Variants in NT5DC4 observed in about 807,000 individuals in gnomAD.
The protein encoded by NT5DC4 is 5'-nucleotidase domain-containing protein 4.
Under a neutral mutation model 26.6 loss-of-function variants are expected in NT5DC4, and 44 were observed. That is an observed-to-expected ratio of 1.65 (90% confidence interval 1.30 to 2.13). The LOEUF is 2.13. Ranked by LOEUF, NT5DC4 falls within the 30% of genes most tolerant of loss-of-function variation. The probability of loss-of-function intolerance (pLI) is 0.00; values close to 1 mark genes in which losing one functional copy is unlikely to be tolerated. For missense variants in NT5DC4, 399 were observed against 228.1 expected (o/e 1.75, Z -4.83); for synonymous variants, 157 against 86.7 (o/e 1.81, Z -4.51).
chr2:112,730,422 A>C (rs1678350904), intron 16 of NT5DC4, among the ~76,000 whole-genome samples: 1 of 151,628 alleles, frequency 6.6e-6, no homozygotes, highest in African/African-American at 2.4e-5. Flanking sequence ...GCTGTTGGCC[A>C]ATCCATACAC....
chr2:112,735,038 A>ATTTTT lies in NT5DC4; in HGVS notation c.1345-3856_1345-3852dup, dbSNP rs70965024. Among the ~76,000 whole-genome samples, 265 of 94,472 alleles carry ATTTTT rather than the reference A, an allele frequency of 2.8e-3. 4 individuals are homozygous for ATTTTT. Among genetic ancestry groups the ATTTTT allele is most frequent in the Non-Finnish European group, 4.2e-3 (210 of 50,530 alleles). 62.0% of individuals were successfully genotyped at this position (94,472 alleles called of 152,430 possible). The stretch of plus-strand genomic sequence containing the variant: ...GAGTACATGCCAGGGAGGCAAGAAC[A>ATTTTT]TTTTTTTTTTTTTTTTTTTTTTTGA... On this transcript the variant is annotated intron_variant, in intron 16 of 16. Coordinates refer to ENST00000688554, the MANE Select transcript of NT5DC4 (RefSeq NM_001393655.1).
chr2:112,722,367 A>G, intron 4 of NT5DC4, 89 bp downstream of exon 4: 1 of 712,162 alleles, frequency 1.4e-6, no homozygotes, highest in Non-Finnish European at 2.6e-6. Flanking sequence ...GGGAGGAAGG[A>G]CGCAGGCCCA....
At chr2:112,741,015 T>G (rs910339737), downstream of NT5DC4, 17 of 1,574,592 alleles carry the variant, frequency 1.1e-5, no homozygotes, top group African/African-American at 1.9e-4. Flanking sequence ...TCCCTGTGTA[T>G]GTAAGATCAT....
chr2:112,737,979 C>T (rs1206851553), intron 16 of NT5DC4: 3 of 152,162 alleles, frequency 2.0e-5, no homozygotes, highest in Admixed American at 1.3e-4. Flanking sequence ...TACATAATGA[C>T]TAAGGTAAAA....
rs909825906 is a variant in NT5DC4 at position 112,722,591 on chromosome 2, T to G, written c.469+2T>G. 1.4e-6 allele frequency: 1 copy of G among 717,278 alleles called. No individual in the cohort carries two copies. Among genetic ancestry groups the G allele is most frequent in the Non-Finnish European group, 2.6e-6 (1 of 385,084 alleles). 44.4% of individuals were successfully genotyped at this position (717,278 alleles called of 1,614,324 possible). ...TCAACATGCTCTTCAACCTGCCTGG[T>G]GGGTGGAGGGTTGGGGGCACGGGAG... On this transcript the variant is annotated splice_donor_variant, in intron 5 of 16. Coordinates refer to ENST00000688554, the MANE Select transcript of NT5DC4 (RefSeq NM_001393655.1). LOFTEE classifies it high-confidence loss of function.
intron 12 of NT5DC4, 29 bp from the exon 13 acceptor site, chr2:112,725,353 G>A (rs151188369): frequency 1.9e-4 from 133 of 691,588 alleles, no homozygotes; most frequent in African/African-American, 1.9e-3. Flanking sequence ...AAGGGCAAAC[G>A]AGTGTCTGTC....
At chr2:112,733,440 GA>G (rs1449512145) in intron 16 of NT5DC4, among the ~76,000 whole-genome samples, 9 of 151,304 alleles carry the variant, frequency 5.9e-5, no homozygotes, top group Non-Finnish European at 7.4e-5. Context: ...GATGGGGTGG[GA>G]GGGGGGGACA....
chr2:112,741,988 C>T (rs1228765860), downstream of NT5DC4, among the ~76,000 whole-genome samples: 52 of 143,234 alleles, frequency 3.6e-4, no homozygotes, highest in Non-Finnish European at 6.5e-4. Context: ...CAGGGTTTCA[C>T]CACGTTGGTC....
Position 112,723,472 on chromosome 2 carries a change from A to G in NT5DC4, c.672+4A>G. On this transcript the variant is annotated splice_donor_region_variant and intron_variant, in intron 8 of 16. Transcript: ENST00000688554. The stretch of plus-strand genomic sequence containing the variant: ...GGAGAAATATGTGAAGAAGGATGTG[A>G]GTGGCCACAGACCCAGGGCCATGGC... 2.8e-6 allele frequency: 2 copies of G among 717,048 alleles called. No individual in the cohort carries two copies. Among genetic ancestry groups the G allele is most frequent in the South Asian group, 3.0e-5 (2 of 67,580 alleles). The allele number at this position is 717,048 out of a possible 1,614,324, so 44.4% of individuals were successfully genotyped here.
At chr2:112,740,803 T>G, downstream of NT5DC4, 1 of 1,592,174 alleles carries the variant, frequency 6.3e-7, no homozygotes, top group Non-Finnish European at 8.6e-7. Flanking sequence ...AAAGTCTGCT[T>G]TAGAGTTTGC....
chr2:112,742,359 G>A, downstream of NT5DC4: 1 of 716,814 alleles, frequency 1.4e-6, no homozygotes, highest in Non-Finnish European at 2.6e-6. Context: ...GTATGTTGGT[G>A]GGTTTATTAT....
chr2:112,737,047 C>T (rs549353668), intron 16 of NT5DC4: 6 of 152,308 alleles, frequency 3.9e-5, no homozygotes, highest in Non-Finnish European at 8.8e-5. Context: ...CTGCCTCAGC[C>T]TCCCAAGTAG....
chr2:112,729,569 C>T (rs1678221683), intron 15 of NT5DC4, 58 bp from the exon 16 acceptor site: 1 of 716,460 alleles, frequency 1.4e-6, no homozygotes, highest in Admixed American at 2.0e-5. Context: ...GCTGAGGAAT[C>T]CTGGAAGGCC....
chr2:112,721,766 G>T, intron 1 of NT5DC4, 52 bp from the exon 2 acceptor site: 1 of 717,012 alleles, frequency 1.4e-6, no homozygotes, highest in South Asian at 1.5e-5. Flanking sequence ...CTTGGGCCTT[G>T]GATTCTGGGG....
downstream of NT5DC4, chr2:112,742,793 C>T (rs372935863): frequency 1.3e-6 from 2 of 1,569,594 alleles, no homozygotes; most frequent in Non-Finnish European, 1.7e-6. Context: ...AGAAAACATA[C>T]AAAATCTTAA....
chr2:112,740,316 T>A (rs1340882098), downstream of NT5DC4, among the ~76,000 whole-genome samples: 1 of 152,224 alleles, frequency 6.6e-6, no homozygotes, highest in Non-Finnish European at 1.5e-5. Flanking sequence ...CAGATCATGA[T>A]CAGAGAAGAG....
chr2:112,721,400 G>A lies in NT5DC4; in HGVS notation c.74+247G>A, dbSNP rs778156288. On this transcript the variant is annotated intron_variant, in intron 1 of 16. Transcript: ENST00000688554. Reference sequence around the variant, plus strand: ...CACGAAGATCTCTCCCCTTCACCACGGACACAGTGACATGTGCTATCCAAT... The same window carrying A: ...CACGAAGATCTCTCCCCTTCACCACAGACACAGTGACATGTGCTATCCAAT... The A allele has an allele frequency of 5.1e-5, 36 of 699,366 alleles. 1 individual carries two copies. The highest frequency in any genetic ancestry group is 7.2e-5 in the Non-Finnish European group (27 of 375,454). 43.3% of individuals were successfully genotyped at this position (699,366 alleles called of 1,614,324 possible).
intron 13 of NT5DC4, among the ~76,000 whole-genome samples, chr2:112,725,874 A>C (rs1677640398): frequency 9.5e-6 from 1 of 105,228 alleles, no homozygotes; most frequent in Non-Finnish European, 1.7e-5. Context: ...AAGGATGTTC[A>C]GTGAGTGGAA....
chr2:112,732,301 CA>C (rs1325896360), intron 16 of NT5DC4, among the ~76,000 whole-genome samples: 2 of 152,150 alleles, frequency 1.3e-5, no homozygotes, highest in Non-Finnish European at 2.9e-5. Context: ...GTTTGACTTT[CA>C]GGTCCCAGAG....
Sources: gnomAD v4.1 joint callset for allele counts (sites outside exome capture counted in the v4.1 genomes callset) on GRCh38, gnomAD v4.1.1 for gene constraint, MANE v1.5 for transcripts, NCBI Gene and HGNC (gene_info 2026-07-23, HGNC 2026-07-21) for gene names.